Variants in CLTC observed in about 807,000 individuals in gnomAD.
CLTC encodes clathrin heavy chain 1.
Under a neutral mutation model 195.8 loss-of-function variants are expected in CLTC, and 16 were observed. That is an observed-to-expected ratio of 0.08 (90% CI 0.06 to 0.12). CLTC has a LOEUF of 0.12. Among genes scored for constraint, CLTC ranks in the 10% least tolerant of loss-of-function variants. The probability of loss-of-function intolerance (pLI) is 1.00; values close to 1 mark genes in which losing one functional copy is unlikely to be tolerated. For missense variants in CLTC, 796 were observed against 2,027.0 expected, an observed-to-expected ratio of 0.39 and a Z score of 11.66; for synonymous variants, 667 against 689.4, an observed-to-expected ratio of 0.97 and a Z score of 0.51.
chr17:59,661,104 A>G (rs1259666892), intron 7 of CLTC, among the ~76,000 whole-genome samples: 2 of 152,108 alleles, frequency 1.3e-5, no homozygotes, highest in African/African-American at 4.8e-5. Flanking sequence ...CTTAGCTATA[A>G]CTGTTTTATG....
intron 7 of CLTC, 44 bp from the exon 8 acceptor site, chr17:59,661,399 T>C: frequency 6.7e-7 from 1 of 1,498,032 alleles, no homozygotes. Context: ...ACATTTCTCC[T>C]TCTTACACTT....
intron 8 of CLTC, among the ~76,000 whole-genome samples, 159 bp downstream of exon 8, chr17:59,661,802 G>GA (rs1440924536): frequency 4.6e-5 from 7 of 151,982 alleles, no homozygotes; most frequent in Admixed American, 6.6e-5. Flanking sequence ...ATTTCCTTTT[G>GA]AAAAAATATA....
At chr17:59,688,423 A>C (rs1416017222) in intron 30 of CLTC, among the ~76,000 whole-genome samples, 1 of 152,220 alleles carries the variant, frequency 6.6e-6, no homozygotes, top group Non-Finnish European at 1.5e-5. Context: ...ATTCATTGAC[A>C]TGCTTACCTG....
intron 1 of CLTC, among the ~76,000 whole-genome samples, chr17:59,642,259 G>T (rs1392811371): frequency 1.3e-5 from 2 of 152,040 alleles, no homozygotes; most frequent in Non-Finnish European, 2.9e-5. Flanking sequence ...TAGTGTCTGT[G>T]GTTTGCTTCC....
chr17:59,644,948 G>A (rs1401016323), intron 2 of CLTC, among the ~76,000 whole-genome samples: 2 of 152,160 alleles, frequency 1.3e-5, no homozygotes, highest in African/African-American at 2.4e-5. Flanking sequence ...TGCTAATACC[G>A]AACTTGATTT....
At chr17:59,634,930 C>T (rs2031820215) in intron 1 of CLTC, among the ~76,000 whole-genome samples, 1 of 152,138 alleles carries the variant, frequency 6.6e-6, no homozygotes, top group South Asian at 2.1e-4. Context: ...GCGACTGATA[C>T]TAGAGAAGGT....
intron 5 of CLTC, among the ~76,000 whole-genome samples, chr17:59,653,686 A>G (rs1449899570): frequency 2.0e-5 from 3 of 151,560 alleles, no homozygotes; most frequent in Admixed American, 2.0e-4. Flanking sequence ...CAGAGTAGCT[A>G]AGAGTAGGTA....
At chr17:59,653,171 GTTTATTTA>G (rs939636869) in intron 5 of CLTC, among the ~76,000 whole-genome samples, 2 of 150,872 alleles carry the variant, frequency 1.3e-5, no homozygotes, top group Non-Finnish European at 3.0e-5. Flanking sequence ...TTATTTATTT[GTTTATTTA>G]TTTATTTATT....
Position 59,647,619 on chromosome 17 carries a change from ACAGATG to A in CLTC, c.475_480del (p.Asp159_Ala160del). 6.2e-7 allele frequency: 1 copy of A among 1,614,100 alleles called. No individual in the cohort carries two copies. The highest frequency in any genetic ancestry group is 8.5e-7 in the Non-Finnish European group (1 of 1,179,962). On this transcript the variant is annotated inframe_deletion, in exon 3 of 32. Transcript: ENST00000269122. ...AGGGTGCCAGATTATCAATTACCGT[ACAGATG>A]CAAAACAAAAGTGGTTACTTCTGAC...
intron 17 of CLTC, among the ~76,000 whole-genome samples, chr17:59,677,521 C>T (rs2032993150): frequency 6.6e-6 from 1 of 152,146 alleles, no homozygotes; most frequent in Admixed American, 6.5e-5. Context: ...TGCATCATGG[C>T]CTTATACCCC....
At chr17:59,638,271 T>A (rs1251585123) in intron 1 of CLTC, among the ~76,000 whole-genome samples, 1 of 151,792 alleles carries the variant, frequency 6.6e-6, no homozygotes, top group Non-Finnish European at 1.5e-5. Context: ...CACTCCAGCT[T>A]GGGTGACAGA....
intron 10 of CLTC, 114 bp from the exon 11 acceptor site, chr17:59,665,989 A>G: frequency 1.4e-6 from 1 of 702,328 alleles, no homozygotes; most frequent in East Asian, 2.6e-5. Context: ...TTTGTTCTTA[A>G]GTGTTTATAT....
Position 59,685,047 on chromosome 17 carries a change from T to C in CLTC, c.4435-9T>C. ...TGATCTGGCATTTGGATGGCTTTTT[T>C]TTTTTAAGGCTCTGCGAACATCAAT... On this transcript the variant is annotated splice_polypyrimidine_tract_variant and intron_variant, in intron 28 of 31. Transcript: ENST00000269122. The surrounding 1 kb of genome is among the most constrained non-coding windows in gnomAD (Gnocchi z 5.0). The C allele has an allele frequency of 6.7e-7, 1 of 1,503,246 alleles. No individual in the cohort carries two copies. Among genetic ancestry groups the C allele is most frequent in the Non-Finnish European group, 9.0e-7 (1 of 1,117,088 alleles). The allele number at this position is 1,503,246 out of a possible 1,614,324, so 93.1% of individuals were successfully genotyped here.
rs1023153990 is a variant in CLTC at position 59,696,901 on chromosome 17, G to A, written c.*3049G>A. 2.5e-5 allele frequency: 5 copies of A among 197,426 alleles called. No individual in the cohort carries two copies. The highest frequency in any genetic ancestry group is 4.2e-5 in the Non-Finnish European group (4 of 95,304). The allele number at this position is 197,426 out of a possible 1,614,324, so 12.2% of individuals were successfully genotyped here. On this transcript the variant is annotated 3_prime_UTR_variant, in exon 32 of 32. Transcript: ENST00000269122. The stretch of plus-strand genomic sequence containing the variant: ...GCTGATTAACCTTTGGCCAGTATGG[G>A]TCAGGGAAGGTGAACATGAAACACT...
chr17:59,672,563 G>A (rs930764207), intron 14 of CLTC, among the ~76,000 whole-genome samples: 1 of 152,108 alleles, frequency 6.6e-6, no homozygotes, highest in African/African-American at 2.4e-5. Context: ...AGTTTCCATG[G>A]TGTTAAACAA....
chr17:59,655,828 C>G, intron 5 of CLTC, 26 bp from the exon 6 acceptor site: 2 of 1,493,714 alleles, frequency 1.3e-6, no homozygotes, highest in Non-Finnish European at 1.8e-6. Context: ...CATTATTTTA[C>G]TAAAGTGTTG....
At chr17:59,692,087 G>C (rs998473203) in intron 31 of CLTC, among the ~76,000 whole-genome samples, 7 of 152,180 alleles carry the variant, frequency 4.6e-5, no homozygotes, top group Non-Finnish European at 1.0e-4. Flanking sequence ...GGGAGGCCAA[G>C]GTGGGCGGAT....
chr17:59,625,309 T>G (rs1035110783), intron 1 of CLTC, among the ~76,000 whole-genome samples: 9 of 151,848 alleles, frequency 5.9e-5, no homozygotes, highest in Non-Finnish European at 1.3e-4. Flanking sequence ...GTATTTTTAG[T>G]AAAGATGGGG....
chr17:59,692,943 G>A (rs565627827), intron 31 of CLTC, among the ~76,000 whole-genome samples: 9 of 152,092 alleles, frequency 5.9e-5, no homozygotes, highest in Admixed American at 1.3e-4. Context: ...CGGCCCAAAT[G>A]TGTCTTATTT....
Sources: allele counts gnomAD v4.1 joint callset (sites outside exome capture counted in the v4.1 genomes callset), GRCh38; gene constraint gnomAD v4.1.1; non-coding constraint Gnocchi (gnomAD v3.1); transcripts MANE v1.5; gene names NCBI Gene and HGNC (gene_info 2026-07-23, HGNC 2026-07-21).